CYP7B1: variants seen among roughly 807,000 people sequenced by gnomAD.
The protein encoded by CYP7B1 is cytochrome P450 7B1.
A neutral mutation model predicts 42.7 loss-of-function variants in CYP7B1; 29 were observed. The observed-to-expected ratio is 0.68, with a 90% CI of 0.51 to 0.93. CYP7B1 has a LOEUF of 0.93. Ranked by LOEUF, CYP7B1 falls within the 40% of genes least tolerant of loss-of-function variation. The pLI is 0.00. For missense variants in CYP7B1, 655 were observed against 600.5 expected, an observed-to-expected ratio of 1.09 and a Z score of -0.95; for synonymous variants, 235 against 218.2, an observed-to-expected ratio of 1.08 and a Z score of -0.68.
intron 1 of CYP7B1, among the ~76,000 whole-genome samples, chr8:64,670,871 C>CT (rs201804283): frequency 1.2e-4 from 18 of 149,996 alleles, no homozygotes; most frequent in African/African-American, 2.7e-4. Context: ...AATTCCTAGT[C>CT]TTTTTTTTTT....
rs577455880 is a variant in CYP7B1 at position 64,777,760 on chromosome 8, C to T, written c.122+20706G>A. ...AGCGGGTTTCATCTCCAAGTCTCTG[C>T]TTCTGAAAACTTAAAGAGCCAAATT... On this transcript the variant is annotated intron_variant, in intron 1 of 5. Coordinates refer to ENST00000310193, the MANE Select transcript of CYP7B1 (RefSeq NM_004820.5). 9.9e-5 allele frequency among the ~76,000 whole-genome samples: 15 copies of T among 151,904 alleles called. 1 individual carries two copies. In the South Asian group the frequency reaches 3.1e-3, roughly 32 times the overall value.
chr8:64,761,374 T>C (rs1213337483), intron 1 of CYP7B1, among the ~76,000 whole-genome samples: 11 of 152,146 alleles, frequency 7.2e-5, no homozygotes. Context: ...AACTGATGTA[T>C]ATGTTAATTA....
At chr8:64,753,105 A>C (rs1807754370) in intron 1 of CYP7B1, among the ~76,000 whole-genome samples, 1 of 152,224 alleles carries the variant, frequency 6.6e-6, no homozygotes, top group African/African-American at 2.4e-5. Flanking sequence ...TAAAGAGAAG[A>C]CTTTTATTTA....
At position 64,738,585 on chromosome 8, in the gene CYP7B1, G is replaced by A. The variant is rs146959971; in HGVS notation, c.122+59881C>T. On this transcript the variant is annotated intron_variant, in intron 1 of 5. Transcript: ENST00000310193. Reference sequence around the variant, plus strand: ...ACACACGCATATAAAACATAATTTGGGTTCCTTTTCTAATCAAGATACTAA... The same window carrying A: ...ACACACGCATATAAAACATAATTTGAGTTCCTTTTCTAATCAAGATACTAA... Among the ~76,000 whole-genome samples the A allele has an allele frequency of 5.7e-3, 861 of 151,938 alleles. 5 individuals carry two copies. The highest frequency in any genetic ancestry group is 0.01 in the Middle Eastern group (3 of 294).
At chr8:64,760,280 G>A (rs968847847) in intron 1 of CYP7B1, among the ~76,000 whole-genome samples, 1 of 151,944 alleles carries the variant, frequency 6.6e-6, no homozygotes, top group Non-Finnish European at 1.5e-5. Flanking sequence ...GGCCTGAAAA[G>A]CTCCTTGACA....
Position 64,615,140 on chromosome 8 carries a change from T to C in CYP7B1, c.943A>G (p.Met315Val), listed in dbSNP as rs757907697. The stretch of plus-strand genomic sequence containing the variant: ...TCAATTTCGTCACGCACTGCTGCCA[T>C]AGCTTCTGGGTGCCGCAGAAGATAA... The part of the protein sequence containing the change: ...MYYLLRHPEA[M>V]AAVRDEIDRL... The change falls in exon 4 of 6, where the codon ATG (methionine) becomes GTG (valine). Residue 315 changes from methionine to valine, a missense_variant. Transcript: ENST00000310193. 5 of 1,613,698 alleles carry C rather than the reference T, an allele frequency of 3.1e-6. No individual in the cohort carries two copies. In the Admixed American group the frequency reaches 6.7e-5, roughly 22 times the overall value.
intron 2 of CYP7B1, among the ~76,000 whole-genome samples, chr8:64,620,696 A>G (rs1282984635): frequency 1.3e-5 from 2 of 152,176 alleles, no homozygotes; most frequent in Non-Finnish European, 2.9e-5. Context: ...CTACTTTGCA[A>G]ACTGATCACT....
At chr8:64,608,696 A>G (rs369738030) in intron 4 of CYP7B1, among the ~76,000 whole-genome samples, 1 of 152,132 alleles carries the variant, frequency 6.6e-6, no homozygotes, top group Non-Finnish European at 1.5e-5. Flanking sequence ...GGAAGGTGTC[A>G]TGGAATGGAG....
chr8:64,733,810 T>C (rs1237976721), intron 1 of CYP7B1, among the ~76,000 whole-genome samples: 2 of 151,062 alleles, frequency 1.3e-5, no homozygotes, highest in South Asian at 4.2e-4. Context: ...ATCTCTACAA[T>C]TTTTTTTTAG....
intron 1 of CYP7B1, among the ~76,000 whole-genome samples, chr8:64,651,911 C>G (rs1284240329): frequency 6.6e-6 from 1 of 152,170 alleles, no homozygotes; most frequent in African/African-American, 2.4e-5. Flanking sequence ...TTCTGCAAAG[C>G]AGAGATAATA....
At chr8:64,660,824 C>T (rs1806189053) in intron 1 of CYP7B1, among the ~76,000 whole-genome samples, 2 of 152,266 alleles carry the variant, frequency 1.3e-5, no homozygotes, top group African/African-American at 4.8e-5. Context: ...CTCTGAGAGG[C>T]ATCATAGTAG....
intron 1 of CYP7B1, among the ~76,000 whole-genome samples, chr8:64,629,991 A>G (rs1451139462): frequency 6.6e-6 from 1 of 152,166 alleles, no homozygotes; most frequent in Non-Finnish European, 1.5e-5. Flanking sequence ...TTGCTCTGCC[A>G]GGAAATGAGG....
At chr8:64,629,917 T>C (rs767295968) in intron 1 of CYP7B1, among the ~76,000 whole-genome samples, 8 of 152,114 alleles carry the variant, frequency 5.3e-5, no homozygotes, top group Non-Finnish European at 1.0e-4. Flanking sequence ...TGGCTGAGTC[T>C]AGGGAGACCA....
intron 1 of CYP7B1, among the ~76,000 whole-genome samples, chr8:64,741,001 C>CT (rs1807559369): frequency 6.6e-6 from 1 of 152,050 alleles, no homozygotes. Flanking sequence ...CAGCATCACT[C>CT]TAATAGCAAA....
chr8:64,719,647 A>C (rs1807208743), intron 1 of CYP7B1, among the ~76,000 whole-genome samples: 5 of 152,224 alleles, frequency 3.3e-5, no homozygotes, highest in Admixed American at 3.3e-4. Context: ...TATCAACCAT[A>C]AGGGCCCATA....
chr8:64,605,672 G>A (rs1174309430), intron 4 of CYP7B1, among the ~76,000 whole-genome samples: 1 of 152,056 alleles, frequency 6.6e-6, no homozygotes, highest in African/African-American at 2.4e-5. Context: ...TCCTGTCTAG[G>A]TCTGCATCTC....
At chr8:64,791,439 C>T (rs1471423499) in intron 1 of CYP7B1, among the ~76,000 whole-genome samples, 1 of 151,996 alleles carries the variant, frequency 6.6e-6, no homozygotes, top group African/African-American at 2.4e-5. Flanking sequence ...AGCACGGGCC[C>T]GAGGTAATCA....
chr8:64,625,864 A>T (rs1052367325), intron 1 of CYP7B1, among the ~76,000 whole-genome samples: 1 of 151,754 alleles, frequency 6.6e-6, no homozygotes. Context: ...TTTTTTTTTT[A>T]AATCTTAAAA....
intron 1 of CYP7B1, among the ~76,000 whole-genome samples, chr8:64,632,112 T>A (rs1805705761): frequency 6.6e-6 from 1 of 152,142 alleles, no homozygotes; most frequent in Non-Finnish European, 1.5e-5. Flanking sequence ...CTGGAAGAAA[T>A]ATTAGCATTC....
Sources: gnomAD v4.1 joint callset for allele counts (sites outside exome capture counted in the v4.1 genomes callset) on GRCh38, gnomAD v4.1.1 for gene constraint, MANE v1.5 for transcripts, NCBI Gene and HGNC (gene_info 2026-07-23, HGNC 2026-07-21) for gene names.